Variants in MYBPC2 observed in about 807,000 individuals in gnomAD.
The protein encoded by MYBPC2 is myosin binding protein C2.
Under a neutral mutation model 137.0 loss-of-function variants are expected in MYBPC2, and 122 were observed. That is an observed-to-expected ratio of 0.89 (90% CI 0.77 to 1.03). The LOEUF (loss-of-function observed/expected upper bound fraction) is 1.03, where lower values mean the gene tolerates loss of function less well. Among genes scored for constraint, MYBPC2 ranks in the 50% least tolerant of loss-of-function variants. MYBPC2 has a pLI of 0.00. For missense variants in MYBPC2, 1,500 were observed against 1,534.4 expected (o/e 0.98, Z 0.37); for synonymous variants, 626 against 612.3 (o/e 1.02, Z -0.33).
At position 50,454,094 on chromosome 19, in the gene MYBPC2, G is replaced by A. The variant is rs373184181; in HGVS notation, c.1824G>A (p.Ala608=). The change falls in exon 17 of 28, where the codon GCG becomes GCA. Residue 608 remains alanine (A), a synonymous_variant. Transcript: ENST00000357701. ...GCAGCAGCTTTGTGATTGAGAGTGC[G>A]CAGCGGGAAGACGAGGGCCGCTACA... ...VDCSSFVIES[A]QREDEGRYTI... 3.0e-5 allele frequency: 48 copies of A among 1,611,814 alleles called. No homozygotes were observed. The African/African-American group carries it at 3.7e-4, about 13-fold the overall frequency.
At chr19:50,445,578 A>C (rs1466836477) in intron 11 of MYBPC2, among the ~76,000 whole-genome samples, 2 of 151,852 alleles carry the variant, frequency 1.3e-5, no homozygotes, top group Admixed American at 6.6e-5. Flanking sequence ...TTTTTATTAG[A>C]GGTGGGTTTT....
intron 20 of MYBPC2, among the ~76,000 whole-genome samples, chr19:50,455,984 A>G (rs191016878): frequency 8.6e-5 from 13 of 151,910 alleles, no homozygotes; most frequent in Admixed American, 8.5e-4. Context: ...ATCCATCTTA[A>G]CATCCACCCA....
At chr19:50,442,415 C>G (rs2039764708) in intron 9 of MYBPC2, 102 bp downstream of exon 9, 1 of 1,474,784 alleles carries the variant, frequency 6.8e-7, no homozygotes, top group Admixed American at 2.1e-5. Context: ...GCATATTCAC[C>G]CCTATATGAA....
At chr19:50,445,414 A>C (rs2039794748) in intron 11 of MYBPC2, among the ~76,000 whole-genome samples, 1 of 140,080 alleles carries the variant, frequency 7.1e-6, no homozygotes. Flanking sequence ...TTTTTTTGAG[A>C]CAGAGTCTCA....
chr19:50,455,281 C>A lies in MYBPC2; in HGVS notation c.2188C>A (p.Pro730Thr), dbSNP rs2122607495. The change falls in exon 19 of 28, where the codon CCT (proline) becomes ACT (threonine). Residue 730 changes from proline (P) to threonine (T), a missense_variant. Coordinates refer to ENST00000357701, the MANE Select transcript of MYBPC2 (RefSeq NM_004533.4). Reference sequence around the variant, plus strand: ...CTCCCAGCCCAGCATGAACACCAAGCCTTTTATGCCTATTGGTAATGTCCT... The same window carrying A: ...CTCCCAGCCCAGCATGAACACCAAGACTTTTATGCCTATTGGTAATGTCCT... ...GVSQPSMNTK[P>T]FMPIAPTSEP... 6.2e-7 allele frequency: 1 copy of A among 1,613,440 alleles called. No individual in the cohort carries two copies. The highest frequency in any genetic ancestry group is 8.5e-7 in the Non-Finnish European group (1 of 1,179,528).
rs566474665 is a variant in MYBPC2 at position 50,434,822 on chromosome 19, T to G, written c.20-339T>G. On this transcript the variant is annotated intron_variant, in intron 1 of 27. Coordinates refer to ENST00000357701, the MANE Select transcript of MYBPC2 (RefSeq NM_004533.4). ...TGCGGTCAGCACCAGGTGTCCAGTT[T>G]CCAGCCCAGAGGGAGAGCTAATTAT... 2.0e-5 allele frequency among the ~76,000 whole-genome samples: 3 copies of G among 152,264 alleles called. No homozygotes were observed. The South Asian group carries it at 6.2e-4, about 32-fold the overall frequency.
chr19:50,449,005 C>T (rs2039832933), intron 13 of MYBPC2, among the ~76,000 whole-genome samples: 1 of 151,702 alleles, frequency 6.6e-6, no homozygotes, highest in African/African-American at 2.4e-5. Flanking sequence ...GCTGGGATTA[C>T]AGGTGTGAAC....
chr19:50,445,919 C>G lies in MYBPC2; in HGVS notation c.1173C>G (p.Phe391Leu), dbSNP rs912622661. 5.5e-5 allele frequency: 88 copies of G among 1,610,042 alleles called. No individual in the cohort carries two copies. Among genetic ancestry groups the G allele is most frequent in the Non-Finnish European group, 7.2e-5 (85 of 1,178,268 alleles). Residue 391 changes from phenylalanine to leucine, a missense_variant, in exon 12 of 28, where the codon TTC (phenylalanine) becomes TTG (leucine). Physicochemically the swap from Phe to Leu is conservative, Grantham distance 22. Coordinates refer to ENST00000357701, the MANE Select transcript of MYBPC2 (RefSeq NM_004533.4). ...DGVELTREDS[F>L]KARYRFKKDG... Reference sequence around the variant, plus strand: ...TGGAACTGACTCGGGAGGATTCCTTCAAGGCCCGGTACCGCTTCAAGAAGG... The same window carrying G: ...TGGAACTGACTCGGGAGGATTCCTTGAAGGCCCGGTACCGCTTCAAGAAGG...
chr19:50,455,369 T>C lies in MYBPC2; in HGVS notation c.2203+73T>C, dbSNP rs925504764. The C allele has an allele frequency of 8.0e-5, 125 of 1,566,600 alleles. No individual in the cohort carries two copies. The African/African-American group carries it at 1.5e-3, about 18-fold the overall frequency. ...CTGATCCATCAACCCCGTCCACCTC[T>C]GGCCCATCTTTTGCCCGCCATCAAT... On this transcript the variant is annotated intron_variant, in intron 19 of 27. Coordinates refer to ENST00000357701, the MANE Select transcript of MYBPC2 (RefSeq NM_004533.4).
chr19:50,458,374 T>TA (rs760945453), intron 20 of MYBPC2, among the ~76,000 whole-genome samples: 4,222 of 143,950 alleles, frequency 0.029, 140 homozygotes, highest in African/African-American at 0.08. Context: ...AGACTCCGTT[T>TA]AAAAAAAAAA....
intron 23 of MYBPC2, 84 bp downstream of exon 23, chr19:50,459,390 G>A (rs1390727155): frequency 1.4e-6 from 2 of 1,423,666 alleles, no homozygotes; most frequent in Middle Eastern, 2.4e-4. Context: ...ATGAGGGGTG[G>A]GGAAGGAGGT....
chr19:50,463,224 G>C (rs2039986305), intron 26 of MYBPC2, among the ~76,000 whole-genome samples: 1 of 152,220 alleles, frequency 6.6e-6, no homozygotes, highest in South Asian at 2.1e-4. Context: ...AAATAAATGT[G>C]CGTGGCTCGC....
intron 8 of MYBPC2, among the ~76,000 whole-genome samples, chr19:50,441,845 A>C (rs956349831): frequency 6.7e-6 from 1 of 148,260 alleles, no homozygotes; most frequent in Non-Finnish European, 1.5e-5. Flanking sequence ...GTCTCAAAAA[A>C]ATAAAATAAA....
At chr19:50,443,393 G>A in intron 9 of MYBPC2, 101 bp from the exon 10 acceptor site, 2 of 1,339,402 alleles carry the variant, frequency 1.5e-6, no homozygotes, top group Non-Finnish European at 2.0e-6. Flanking sequence ...TTGGCTCTGA[G>A]AGAGAGAGAG....
rs748413914 is a variant in MYBPC2 at position 50,464,482 on chromosome 19, C to T, written c.3365C>T (p.Ala1122Val). ...PFDAGTYTCR[A>V]VNELGEALAE... ...GACGCTGGGACTTACACCTGCCGGG[C>T]CGTCAACGAGCTGGGCGAGGCGCTG... is the stretch of plus-strand genomic sequence containing the variant. The change falls in exon 27 of 28, where the codon GCC (alanine) becomes GTC (valine). Residue 1122 changes from alanine (A) to valine (V), a missense_variant. Coordinates refer to ENST00000357701, the MANE Select transcript of MYBPC2 (RefSeq NM_004533.4). 18 of 1,612,982 alleles carry T rather than the reference C, an allele frequency of 1.1e-5. No homozygotes were observed. Among genetic ancestry groups the T allele is most frequent in the Non-Finnish European group, 1.4e-5 (17 of 1,179,636 alleles).
In MYBPC2 at chr19:50,435,171, G is replaced by GGCCCCCAAAGGCAAAGAT; in HGVS notation, c.42_59dup (p.Lys15_Gly20dup). The GGCCCCCAAAGGCAAAGAT allele has an allele frequency of 7.5e-7, 1 of 1,332,470 alleles. No homozygotes were observed. Among genetic ancestry groups the GGCCCCCAAAGGCAAAGAT allele is most frequent in the Non-Finnish European group, 1.1e-6 (1 of 928,550 alleles). The allele number at this position is 1,332,470 out of a possible 1,614,324, so 82.5% of individuals were successfully genotyped here. On this transcript the variant is annotated inframe_insertion, in exon 2 of 28. Coordinates refer to ENST00000357701, the MANE Select transcript of MYBPC2 (RefSeq NM_004533.4). The surrounding 1 kb of genome is among the most constrained non-coding windows in gnomAD (Gnocchi z 4.8). ...TCCCCTACCTTACAGCGGCCAAAAA[G>GGCCCCCAAAGGCAAAGAT]GCCCCCAAAGGCAAAGATGCCCCCA...
chr19:50,451,506 G>A (rs1392702730), intron 15 of MYBPC2, among the ~76,000 whole-genome samples, 197 bp downstream of exon 15: 1 of 147,954 alleles, frequency 6.8e-6, no homozygotes, highest in South Asian at 2.2e-4. Context: ...CAGACGGGGT[G>A]GGGGCTATCG....
At position 50,443,696 on chromosome 19, in the gene MYBPC2, C is replaced by T. The variant is rs1424261944; in HGVS notation, c.1028-15C>T. 1 of 1,612,144 alleles carries T rather than the reference C, an allele frequency of 6.2e-7. No homozygotes were observed. Among genetic ancestry groups the T allele is most frequent in the Admixed American group, 1.7e-5 (1 of 59,980 alleles). ...GGTCCTGAAACGACTGACCTCCTGT[C>T]CCCCTGCCCCACAGAACCTCCAGTC... On this transcript the variant is annotated splice_polypyrimidine_tract_variant and intron_variant, in intron 10 of 27. Transcript: ENST00000357701.
chr19:50,451,310 G>A lies in MYBPC2; in HGVS notation c.1609+1G>A. On this transcript the variant is annotated splice_donor_variant, in intron 15 of 27. Coordinates refer to ENST00000357701, the MANE Select transcript of MYBPC2 (RefSeq NM_004533.4). LOFTEE classifies it high-confidence loss of function. ...AAGGTGGAGTACGTTCCCAAGCAAGGTGAGCACCACGGGCTGCGCTGGGAG... is the reference window on the plus strand; with the variant it reads ...AAGGTGGAGTACGTTCCCAAGCAAGATGAGCACCACGGGCTGCGCTGGGAG... 1.2e-6 allele frequency: 2 copies of A among 1,613,572 alleles called. No homozygotes were observed. Among genetic ancestry groups the A allele is most frequent in the Non-Finnish European group, 1.7e-6 (2 of 1,179,836 alleles).
Sources: allele counts gnomAD v4.1 joint callset (sites outside exome capture counted in the v4.1 genomes callset), GRCh38; gene constraint gnomAD v4.1.1; non-coding constraint Gnocchi (gnomAD v3.1); transcripts MANE v1.5; gene names NCBI Gene and HGNC (gene_info 2026-07-23, HGNC 2026-07-21).